The following CSMD2 variants were observed in gnomAD, a reference collection of about 807,000 sequenced individuals.
CSMD2 encodes the protein CUB and sushi domain-containing protein 2.
In CSMD2, 130 loss-of-function variants were observed where a neutral mutation model predicts 398.5. That is an observed-to-expected ratio of 0.33 (90% confidence interval 0.28 to 0.38). The LOEUF is 0.38. CSMD2 is among the 10% of genes least tolerant of loss of function. The pLI is 1.00. For synonymous variants in CSMD2, 1,828 were observed against 1,908.5 expected, an observed-to-expected ratio of 0.96 and a Z score of 1.10; for missense variants, 3,829 against 4,764.9, an observed-to-expected ratio of 0.80 and a Z score of 5.78.
At chr1:34,118,167 G>A (rs535131768) in intron 1 of CSMD2, among the ~76,000 whole-genome samples, 1 of 152,312 alleles carries the variant, frequency 6.6e-6, no homozygotes, top group African/African-American at 2.4e-5. Flanking sequence ...AGTGAGCCAA[G>A]ATCATGCCAT....
intron 64 of CSMD2, among the ~76,000 whole-genome samples, chr1:33,527,940 C>CAAAAAAAAAAAAA (rs61088318): frequency 9.2e-6 from 1 of 108,580 alleles, no homozygotes; most frequent in East Asian, 2.7e-4. Context: ...GACTCTGTCT[C>CAAAAAAAAAAAAA]AAAAAAAAAA....
intron 3 of CSMD2, among the ~76,000 whole-genome samples, chr1:33,942,313 A>T (rs1481645831): frequency 3.3e-5 from 5 of 152,238 alleles, no homozygotes; most frequent in Non-Finnish European, 7.3e-5. Flanking sequence ...TGACTACTGT[A>T]CCTTGAAACA....
chr1:33,875,431 G>A (rs1431411956), intron 5 of CSMD2: 1 of 152,208 alleles, frequency 6.6e-6, no homozygotes, highest in Non-Finnish European at 1.5e-5. Flanking sequence ...CTATTTCTAA[G>A]TGTTCTCCAG....
At chr1:34,037,372 C>T (rs1317878595) in intron 2 of CSMD2, among the ~76,000 whole-genome samples, 6 of 152,346 alleles carry the variant, frequency 3.9e-5, no homozygotes, top group East Asian at 1.9e-4. Flanking sequence ...ACAGGGCCCC[C>T]GTTAGCCTAT....
chr1:33,760,219 G>A (rs1649644252), intron 13 of CSMD2, among the ~76,000 whole-genome samples: 1 of 152,156 alleles, frequency 6.6e-6, no homozygotes, highest in African/African-American at 2.4e-5. Context: ...ACCATTCCAG[G>A]TGCTTACCCC....
chr1:33,799,356 AG>A lies in CSMD2; in HGVS notation c.1447-6831del, dbSNP rs746628596. 7.9e-5 allele frequency among the ~76,000 whole-genome samples: 12 copies of A among 152,348 alleles called. No homozygotes were observed. In the East Asian group the frequency reaches 1.9e-3, roughly 24 times the overall value. On this transcript the variant is annotated intron_variant, in intron 10 of 70. Coordinates refer to ENST00000373381, the MANE Select transcript of CSMD2 (RefSeq NM_001281956.2). ...TTCAAACTGGGCTCCCAGGTACCCC[AG>A]GGTTCCATAAAGGTACTCCAGGGCC...
chr1:33,822,355 G>A (rs1173246327), intron 7 of CSMD2, among the ~76,000 whole-genome samples: 1 of 152,116 alleles, frequency 6.6e-6, no homozygotes, highest in Non-Finnish European at 1.5e-5. Context: ...GGAAGGTGGG[G>A]AGCTCGTTTT....
intron 5 of CSMD2, among the ~76,000 whole-genome samples, chr1:33,914,372 G>C (rs1643615349): frequency 6.7e-6 from 1 of 150,076 alleles, no homozygotes; most frequent in South Asian, 2.1e-4. Flanking sequence ...GTATGTGTCA[G>C]AGACGATTTG....
chr1:33,683,312 G>A (rs1644965880), intron 25 of CSMD2, among the ~76,000 whole-genome samples: 1 of 151,964 alleles, frequency 6.6e-6, no homozygotes, highest in South Asian at 2.1e-4. Context: ...AAATTTTCAT[G>A]TCTATTATAG....
intron 3 of CSMD2, among the ~76,000 whole-genome samples, chr1:34,013,099 C>T (rs1010672342): frequency 6.6e-6 from 1 of 152,192 alleles, no homozygotes; most frequent in Non-Finnish European, 1.5e-5. Flanking sequence ...TTATGGCCAT[C>T]GACAAAGGCA....
chr1:33,592,061 T>C (rs1371310108), intron 44 of CSMD2: 1 of 327,532 alleles, frequency 3.1e-6, no homozygotes, highest in African/African-American at 2.2e-5. Flanking sequence ...TTGGGAACCT[T>C]TGGATGTAAA....
intron 6 of CSMD2, among the ~76,000 whole-genome samples, chr1:33,830,370 C>A (rs1659391719): frequency 6.6e-6 from 1 of 152,216 alleles, no homozygotes; most frequent in Non-Finnish European, 1.5e-5. Context: ...TGCTGTTCTG[C>A]AGACACCGCT....
At chr1:33,991,260 G>T (rs1166225452) in intron 3 of CSMD2, among the ~76,000 whole-genome samples, 3 of 152,114 alleles carry the variant, frequency 2.0e-5, no homozygotes, top group Non-Finnish European at 2.9e-5. Context: ...TCCTGCCTCA[G>T]CCTCCCAAAG....
intron 3 of CSMD2, among the ~76,000 whole-genome samples, chr1:33,969,153 G>C (rs111803254): frequency 5.3e-5 from 8 of 152,224 alleles, no homozygotes; most frequent in African/African-American, 1.4e-4. Context: ...AAATCCTGGG[G>C]AATGGCCACA....
chr1:33,662,654 T>C (rs1218621683), intron 26 of CSMD2, among the ~76,000 whole-genome samples: 6 of 152,334 alleles, frequency 3.9e-5, no homozygotes, highest in African/African-American at 1.4e-4. Context: ...ATGGACCGTA[T>C]GTCTCCATCC....
chr1:33,866,695 C>A (rs1640062325), intron 5 of CSMD2, among the ~76,000 whole-genome samples: 1 of 152,096 alleles, frequency 6.6e-6, no homozygotes, highest in Non-Finnish European at 1.5e-5. Context: ...GCTCTTCCTG[C>A]CCTCTCCCTG....
At chr1:33,572,390 T>G in intron 50 of CSMD2, 116 bp downstream of exon 50, 43 of 857,462 alleles carry the variant, frequency 5.0e-5, no homozygotes, top group Admixed American at 6.7e-5. Context: ...TCCATGTCCA[T>G]GTTTTTTTTT....
Position 34,082,878 on chromosome 1 carries a change from G to C in CSMD2, c.404+6099C>G, listed in dbSNP as rs376195886. 4.3e-4 allele frequency among the ~76,000 whole-genome samples: 66 copies of C among 152,158 alleles called. 2 individuals carry two copies. The East Asian group carries it at 0.01, about 24-fold the overall frequency. ...ACAGATGCTTGAAGGCAGCATGCTC[G>C]TTAAGAGTCACCACCACTCCCTAAT... On this transcript the variant is annotated intron_variant, in intron 2 of 70. Transcript: ENST00000373381.
In CSMD2 at chr1:33,646,742, G is replaced by A. The variant is rs768924992; in HGVS notation, c.4680C>T (p.Leu1560=). The change falls in exon 29 of 71, where the codon CTC becomes CTT. Residue 1560 remains leucine, a synonymous_variant. Transcript: ENST00000373381. ...TGCTGCTGCTTTCAATGCGGCCTGG[G>A]AGCTGGGAGCCATAGAAGCTTCCTA... is the stretch of plus-strand genomic sequence containing the variant. ...PLIGSFYGSQ[L]PGRIESSSNS... The A allele has an allele frequency of 6.2e-7, 1 of 1,614,204 alleles. No individual in the cohort carries two copies. The highest frequency in any genetic ancestry group is 1.7e-5 in the Admixed American group (1 of 60,028).
Sources: allele counts gnomAD v4.1 joint callset (sites outside exome capture counted in the v4.1 genomes callset), GRCh38; gene constraint gnomAD v4.1.1; transcripts MANE v1.5; gene names NCBI Gene and HGNC (gene_info 2026-07-23, HGNC 2026-07-21).